IL1RAPL2: variants seen among roughly 807,000 people sequenced by gnomAD.
The protein encoded by IL1RAPL2 is X-linked interleukin-1 receptor accessory protein-like 2.
Under a neutral mutation model 44.1 loss-of-function variants are expected in IL1RAPL2, and 3 were observed. That is an observed-to-expected ratio of 0.07 (90% CI 0.03 to 0.18). The LOEUF is 0.18. IL1RAPL2 is among the 10% of genes least tolerant of loss of function. The pLI, the probability that IL1RAPL2 is intolerant of heterozygous loss-of-function variation, is 1.00. For missense variants in IL1RAPL2, 391 were observed against 496.4 expected, an observed-to-expected ratio of 0.79 and a Z score of 2.02; for synonymous variants, 181 against 178.8, an observed-to-expected ratio of 1.01 and a Z score of -0.10.
chrX:105,582,296 C>T (rs751256638), intron 6 of IL1RAPL2, among the ~76,000 whole-genome samples: 9 of 110,925 alleles, frequency 8.1e-5, no homozygotes, highest in African/African-American at 2.9e-4. Context: ...TTTTGCTCTT[C>T]TAAGTCTTTT....
At chrX:105,432,018 C>T (rs184341866) in intron 5 of IL1RAPL2, among the ~76,000 whole-genome samples, 1 of 108,859 alleles carries the variant, frequency 9.2e-6, no homozygotes, top group Admixed American at 1.0e-4. Flanking sequence ...GGTTTATCAA[C>T]TATTGACAAG....
intron 2 of IL1RAPL2, among the ~76,000 whole-genome samples, chrX:105,182,807 G>T (rs377375586): frequency 9.0e-6 from 1 of 111,236 alleles, no homozygotes; most frequent in African/African-American, 3.3e-5. Flanking sequence ...TGGCCAGCAT[G>T]TGTGGCATCA....
chrX:105,710,771 A>G (rs1207158655), intron 6 of IL1RAPL2, among the ~76,000 whole-genome samples: 2 of 109,440 alleles, frequency 1.8e-5, no homozygotes, highest in East Asian at 2.9e-4. Context: ...TCAATGATTC[A>G]TTCAGTTTGT....
rs148265354 is a variant in IL1RAPL2, at chrX:104,819,988, C to G, written c.82+160993C>G. Reference sequence around the variant, plus strand: ...TTCCCATAAACGTGTGTTTTTAAATCTTTCCTAAAGTGGTCTTTATGCAAC... The same window carrying G: ...TTCCCATAAACGTGTGTTTTTAAATGTTTCCTAAAGTGGTCTTTATGCAAC... On this transcript the variant is annotated intron_variant, in intron 2 of 10. Coordinates refer to ENST00000372582, the MANE Select transcript of IL1RAPL2 (RefSeq NM_017416.2). Among the ~76,000 whole-genome samples, 947 of 111,073 alleles carry G rather than the reference C, an allele frequency of 8.5e-3. 13 individuals are homozygous for G. Among genetic ancestry groups the G allele is most frequent in the African/African-American group, 0.029 (887 of 30,588 alleles).
At chrX:104,983,578 CAT>C (rs1216088892) in intron 2 of IL1RAPL2, among the ~76,000 whole-genome samples, 29 of 66,215 alleles carry the variant, frequency 4.4e-4, no homozygotes, top group South Asian at 1.3e-3. Flanking sequence ...ATATTATAGA[CAT>C]AATATATAAT....
At chrX:104,837,571 G>A (rs1237613577) in intron 2 of IL1RAPL2, among the ~76,000 whole-genome samples, 4 of 111,659 alleles carry the variant, frequency 3.6e-5, no homozygotes, top group African/African-American at 1.3e-4. Flanking sequence ...TTTTGATGGG[G>A]TTGTTTGTTT....
intron 3 of IL1RAPL2, among the ~76,000 whole-genome samples, chrX:105,228,204 G>A (rs1395620224): frequency 8.9e-6 from 1 of 111,978 alleles, no homozygotes; most frequent in Non-Finnish European, 1.9e-5. Context: ...ATCATTAGAT[G>A]GTCTCTGAAA....
intron 5 of IL1RAPL2, chrX:105,406,296 G>A (rs750235577): frequency 1.4e-5 from 14 of 1,024,188 alleles, no homozygotes; most frequent in South Asian, 3.8e-5. Context: ...TTAATTGACC[G>A]AAGTCCTGAG....
At chrX:104,575,266 A>T (rs990942582) in intron 1 of IL1RAPL2, among the ~76,000 whole-genome samples, 2 of 111,691 alleles carry the variant, frequency 1.8e-5, no homozygotes, top group Non-Finnish European at 3.8e-5. Flanking sequence ...ATAATAATAA[A>T]GATAAATTGG....
At chrX:105,427,223 C>T (rs939959858) in intron 5 of IL1RAPL2, among the ~76,000 whole-genome samples, 2 of 111,539 alleles carry the variant, frequency 1.8e-5, no homozygotes, top group Non-Finnish European at 3.8e-5. Context: ...GGGGACAGGG[C>T]TTGTGCAAGC....
At chrX:105,364,217 A>G (rs1003891905) in intron 5 of IL1RAPL2, among the ~76,000 whole-genome samples, 48 of 111,873 alleles carry the variant, frequency 4.3e-4, no homozygotes, top group African/African-American at 1.5e-3. Context: ...TATATCAAAA[A>G]TTAATTCACT....
intron 6 of IL1RAPL2, among the ~76,000 whole-genome samples, chrX:105,485,364 A>G (rs973589926): frequency 9.0e-6 from 1 of 111,368 alleles, no homozygotes; most frequent in Non-Finnish European, 1.9e-5. Context: ...GAGTACATGA[A>G]ATATTTTGAT....
chrX:105,370,306 C>T (rs143928053), intron 5 of IL1RAPL2, among the ~76,000 whole-genome samples: 1,704 of 111,369 alleles, frequency 0.015, 36 homozygotes, highest in African/African-American at 0.053. Context: ...GTTTGGTGTA[C>T]AGATTATTTT....
intron 2 of IL1RAPL2, among the ~76,000 whole-genome samples, chrX:104,681,745 C>G (rs1324790516): frequency 8.9e-6 from 1 of 112,721 alleles, no homozygotes; most frequent in Non-Finnish European, 1.9e-5. Flanking sequence ...TAAGTTTCCA[C>G]CCTTGGGCTT....
chrX:105,222,106 C>T (rs1402245908), intron 3 of IL1RAPL2, among the ~76,000 whole-genome samples: 1 of 111,452 alleles, frequency 9.0e-6, no homozygotes, highest in Non-Finnish European at 1.9e-5. Context: ...AGAATCTCAC[C>T]CCAGGATACC....
At chrX:105,435,722 A>T (rs999717975) in intron 5 of IL1RAPL2, among the ~76,000 whole-genome samples, 1 of 111,938 alleles carries the variant, frequency 8.9e-6, no homozygotes, top group Non-Finnish European at 1.9e-5. Flanking sequence ...ACAAAAAGGA[A>T]TGAGATCATG....
intron 6 of IL1RAPL2, among the ~76,000 whole-genome samples, chrX:105,675,688 G>A (rs1401446149): frequency 9.0e-6 from 1 of 111,683 alleles, no homozygotes; most frequent in Admixed American, 9.6e-5. Flanking sequence ...ATGAGTTAGG[G>A]AGGAGTCCTT....
intron 2 of IL1RAPL2, among the ~76,000 whole-genome samples, chrX:105,162,062 T>C (rs1256978358): frequency 8.9e-6 from 1 of 112,372 alleles, no homozygotes; most frequent in Non-Finnish European, 1.9e-5. Flanking sequence ...TAGATGACAC[T>C]GTAATTCCAG....
chrX:105,352,007 G>C (rs2035159451), intron 5 of IL1RAPL2, among the ~76,000 whole-genome samples: 1 of 111,463 alleles, frequency 9.0e-6, no homozygotes, highest in South Asian at 3.8e-4. Context: ...GACTGCAGTG[G>C]CATGAACTCA....
Sources: allele counts gnomAD v4.1 joint callset (sites outside exome capture counted in the v4.1 genomes callset), GRCh38; gene constraint gnomAD v4.1.1; transcripts MANE v1.5; gene names NCBI Gene and HGNC (gene_info 2026-07-23, HGNC 2026-07-21).